NDUFA10: variants seen among roughly 807,000 people sequenced by gnomAD.
NDUFA10 encodes the protein NADH dehydrogenase [ubiquinone] 1 alpha subcomplex subunit 10, mitochondrial.
NDUFA10 carries 40 observed loss-of-function variants against 47.8 expected under a neutral mutation model. The ratio of observed to expected loss-of-function variants is 0.84; its 90% CI spans 0.65 to 1.09. NDUFA10 has a LOEUF of 1.09. Ranked by LOEUF, NDUFA10 falls within the 50% of genes least tolerant of loss-of-function variation. The probability of loss-of-function intolerance (pLI) is 0.00; values close to 1 mark genes in which losing one functional copy is unlikely to be tolerated. For synonymous variants in NDUFA10, 183 were observed against 172.2 expected (o/e 1.06, Z -0.49); for missense variants, 413 against 451.1 (o/e 0.92, Z 0.76).
intron 9 of NDUFA10, among the ~76,000 whole-genome samples, chr2:239,961,531 C>T: frequency 6.6e-6 from 1 of 152,152 alleles, no homozygotes; most frequent in East Asian, 1.9e-4. Flanking sequence ...GCAGGGACAG[C>T]CACGCAGACA....
chr2:239,924,958 T>G (rs1694044349), intron 4 of NDUFA10, among the ~76,000 whole-genome samples: 1 of 152,116 alleles, frequency 6.6e-6, no homozygotes, highest in Non-Finnish European at 1.5e-5. Flanking sequence ...TGCAGTGTAT[T>G]TACAATAACT....
At position 239,987,150 on chromosome 2, in the gene NDUFA10, T is replaced by C. The variant is rs1316046391; in HGVS notation, c.999+2924A>G. On this transcript the variant is annotated intron_variant, in intron 9 of 9. Transcript: ENST00000252711. This position sits in a 1 kb window ranked among gnomAD's most constrained non-coding sequence, Gnocchi z 4.8. ...AATGACTGCTCATGAAGAGGGCCTA[T>C]GGATTGGACAGCAGTAACGTGTGAT... 6.6e-6 allele frequency among the ~76,000 whole-genome samples: 1 copy of C among 152,076 alleles called. No individual in the cohort carries two copies. Among genetic ancestry groups the C allele is most frequent in the Admixed American group, 6.6e-5 (1 of 15,264 alleles).
intron 4 of NDUFA10, among the ~76,000 whole-genome samples, chr2:239,909,212 C>T (rs1293466166): frequency 5.3e-5 from 8 of 152,154 alleles, no homozygotes; most frequent in African/African-American, 1.9e-4. Flanking sequence ...TTAATATTCA[C>T]GTGACAGAGA....
chr2:239,952,952 G>A (rs1190843997), downstream of NDUFA10, among the ~76,000 whole-genome samples: 1 of 152,252 alleles, frequency 6.6e-6, no homozygotes, highest in Non-Finnish European at 1.5e-5. Flanking sequence ...CCACGTGGGA[G>A]GTAAGAAGAA....
Position 240,014,826 on chromosome 2 carries a change from G to A in NDUFA10, c.582C>T (p.Thr194=). 6.2e-7 allele frequency: 1 copy of A among 1,614,104 alleles called. No homozygotes were observed. Among genetic ancestry groups the A allele is most frequent in the Non-Finnish European group, 8.5e-7 (1 of 1,180,000 alleles). The change falls in exon 5 of 10, where the codon ACC becomes ACT. Residue 194 remains threonine, a synonymous_variant. Transcript: ENST00000252711. ...GGTGGGGGGGCAGGTAATCGCAGAT[G>A]GTGACGCTCTTCACCTCGTTGTAGT... ...VDHYNEVKSV[T]ICDYLPPHLV... is the part of the protein sequence containing the mutation.
intron 4 of NDUFA10, among the ~76,000 whole-genome samples, chr2:239,950,938 G>A (rs971601650): frequency 1.1e-4 from 17 of 152,190 alleles, no homozygotes; most frequent in South Asian, 2.1e-4. Context: ...TCAAGTCAGC[G>A]TCCCACTGGC....
intron 4 of NDUFA10, among the ~76,000 whole-genome samples, chr2:239,935,139 G>C (rs995868426): frequency 5.3e-5 from 8 of 152,140 alleles, no homozygotes; most frequent in African/African-American, 1.9e-4. Context: ...CTGGTTCCCA[G>C]GATGCAAAAT....
intron 9 of NDUFA10, among the ~76,000 whole-genome samples, chr2:239,975,574 C>T (rs1695485364): frequency 6.6e-6 from 1 of 152,218 alleles, no homozygotes; most frequent in Middle Eastern, 3.2e-3. Flanking sequence ...ATAATAGTGT[C>T]TTCTTGTGGC....
intron 4 of NDUFA10, among the ~76,000 whole-genome samples, chr2:239,911,050 A>G (rs563025216): frequency 6.6e-6 from 1 of 152,090 alleles, no homozygotes; most frequent in South Asian, 2.1e-4. Flanking sequence ...CACCACACAC[A>G]CCCTAGTGGG....
At chr2:239,947,550 GAC>G in intron 4 of NDUFA10, among the ~76,000 whole-genome samples, 1 of 152,048 alleles carries the variant, frequency 6.6e-6, no homozygotes, top group Non-Finnish European at 1.5e-5. Context: ...CTGCGCACCA[GAC>G]ACAGACAGGG....
At chr2:239,927,983 C>A (rs1366096333) in intron 4 of NDUFA10, among the ~76,000 whole-genome samples, 1 of 152,176 alleles carries the variant, frequency 6.6e-6, no homozygotes, top group African/African-American at 2.4e-5. Context: ...TTTGCAATTT[C>A]TTGTGCATGT....
intron 6 of NDUFA10, among the ~76,000 whole-genome samples, chr2:240,007,765 G>A (rs1400434898): frequency 6.6e-6 from 1 of 152,136 alleles, no homozygotes. Flanking sequence ...GAAGCCCAGG[G>A]CCTAACCGAG....
chr2:240,003,212 G>A (rs971535450), intron 8 of NDUFA10, among the ~76,000 whole-genome samples: 1 of 152,116 alleles, frequency 6.6e-6, no homozygotes, highest in Non-Finnish European at 1.5e-5. Flanking sequence ...CATGTGCAGT[G>A]AGCCAGCTGT....
chr2:239,928,500 C>G lies in NDUFA10; in HGVS notation c.295-33186G>C, dbSNP rs529747241. Among the ~76,000 whole-genome samples, 3 of 152,202 alleles carry G rather than the reference C, an allele frequency of 2.0e-5. No individual in the cohort carries two copies. The highest frequency in any genetic ancestry group is 4.4e-5 in the Non-Finnish European group (3 of 68,030). On this transcript the variant is annotated intron_variant, in intron 4 of 5. Transcript: ENST00000419408. This position sits in a 1 kb window ranked among gnomAD's most constrained non-coding sequence, Gnocchi z 4.3. ...AAATCCCCCGAATCCACGCCAGACT[C>G]CTCGGCCCTGGCCCACCGCGAGCCG...
At chr2:240,007,755 G>A (rs533116294) in intron 6 of NDUFA10, among the ~76,000 whole-genome samples, 63 of 152,270 alleles carry the variant, frequency 4.1e-4, no homozygotes, top group African/African-American at 1.2e-3. Flanking sequence ...GAAGGACAAC[G>A]AAGCCCAGGG....
At chr2:239,915,577 GAC>G (rs1290829876) in intron 4 of NDUFA10, among the ~76,000 whole-genome samples, 23 of 133,978 alleles carry the variant, frequency 1.7e-4, no homozygotes, top group Non-Finnish European at 2.2e-4. Context: ...CAAATATACA[GAC>G]ACACACACAG....
In NDUFA10 at chr2:239,987,731, G is replaced by C. The variant is rs1011856621; in HGVS notation, c.999+2343C>G. Reference sequence around the variant, plus strand: ...GCCCAGGGAAGGGGTGGGCAGCCGTGGGGCGAATGCGCAGGCAGAGCTGCC... The same window carrying C: ...GCCCAGGGAAGGGGTGGGCAGCCGTCGGGCGAATGCGCAGGCAGAGCTGCC... On this transcript the variant is annotated intron_variant, in intron 9 of 9. Transcript: ENST00000252711. This position sits in a 1 kb window ranked among gnomAD's most constrained non-coding sequence, Gnocchi z 4.8. Among the ~76,000 whole-genome samples, 1 of 152,210 alleles carries C rather than the reference G, an allele frequency of 6.6e-6. No individual in the cohort carries two copies. The highest frequency in any genetic ancestry group is 1.5e-5 in the Non-Finnish European group (1 of 68,030).
At chr2:239,953,699 G>A (rs1694601280), downstream of NDUFA10, among the ~76,000 whole-genome samples, 3 of 145,174 alleles carry the variant, frequency 2.1e-5, no homozygotes, top group African/African-American at 8.0e-5. Flanking sequence ...CAGGCACCGC[G>A]AACGTAAGTA....
At chr2:239,931,952 C>T (rs1384649500) in intron 4 of NDUFA10, among the ~76,000 whole-genome samples, 2 of 151,220 alleles carry the variant, frequency 1.3e-5, no homozygotes, top group African/African-American at 4.9e-5. Context: ...TCTCCTGCCT[C>T]AGCCTCCCAA....
Sources: gnomAD v4.1 joint callset for allele counts (sites outside exome capture counted in the v4.1 genomes callset) on GRCh38, gnomAD v4.1.1 for gene constraint, Gnocchi (gnomAD v3.1) non-coding constraint, MANE v1.5 for transcripts, NCBI Gene and HGNC (gene_info 2026-07-23, HGNC 2026-07-21) for gene names.